Variants in KIF16B observed in about 807,000 individuals in gnomAD.
KIF16B encodes the protein kinesin-like protein KIF16B.
A neutral mutation model predicts 156.3 loss-of-function variants in KIF16B; 98 were observed. That is an observed-to-expected ratio of 0.63 (90% CI 0.53 to 0.74). The LOEUF (loss-of-function observed/expected upper bound fraction) is 0.74. Ranked by LOEUF, KIF16B falls within the 30% of genes least tolerant of loss-of-function variation. The pLI is 0.00. For missense variants in KIF16B, 1,421 were observed against 1,606.5 expected (o/e 0.88, Z 1.97); for synonymous variants, 564 against 583.7 (o/e 0.97, Z 0.49).
At chr20:16,404,144 C>T (rs1019009851) in intron 17 of KIF16B, among the ~76,000 whole-genome samples, 4 of 152,066 alleles carry the variant, frequency 2.6e-5, no homozygotes, top group African/African-American at 9.7e-5. Context: ...ACTTGTTCAG[C>T]CATTTGATTT....
intron 12 of KIF16B, among the ~76,000 whole-genome samples, chr20:16,477,143 T>C (rs984776138): frequency 5.3e-5 from 8 of 150,776 alleles, no homozygotes; most frequent in African/African-American, 1.2e-4. Context: ...TAAAAAATTC[T>C]GAGACCAAGT....
At chr20:16,397,278 A>C (rs1316153072) in intron 17 of KIF16B, among the ~76,000 whole-genome samples, 1 of 152,216 alleles carries the variant, frequency 6.6e-6, no homozygotes, top group Non-Finnish European at 1.5e-5. Context: ...CTAACTCCCA[A>C]AGGAAGTCAC....
chr20:16,352,267 C>T (rs575177241), intron 23 of KIF16B, among the ~76,000 whole-genome samples: 29 of 152,304 alleles, frequency 1.9e-4, no homozygotes, highest in African/African-American at 6.3e-4. Flanking sequence ...ATATAAATTA[C>T]GCCTCAACAG....
chr20:16,487,324 T>C (rs1349212073), intron 12 of KIF16B, among the ~76,000 whole-genome samples: 4 of 152,064 alleles, frequency 2.6e-5, no homozygotes, highest in Non-Finnish European at 5.9e-5. Flanking sequence ...GCTTTGTCTG[T>C]AGGTTTTCCA....
intron 12 of KIF16B, among the ~76,000 whole-genome samples, chr20:16,477,535 G>GT (rs764828144): frequency 9.2e-5 from 14 of 152,134 alleles, no homozygotes; most frequent in Non-Finnish European, 1.5e-4. Flanking sequence ...AAACCAGCAA[G>GT]TATCATCTAA....
chr20:16,535,156 T>C lies in KIF16B; in HGVS notation c.48-6716A>G, dbSNP rs542266246. 1.2e-4 allele frequency among the ~76,000 whole-genome samples: 18 copies of C among 152,326 alleles called. No homozygotes were observed. The East Asian group carries it at 2.5e-3, about 21-fold the overall frequency. On this transcript the variant is annotated intron_variant, in intron 1 of 25. Transcript: ENST00000354981. ...TGAGATGTCTTTCCACCTGTTTGTG[T>C]CCTCCTCAATTTCTTTCATCAGTAT...
At chr20:16,374,890 T>C (rs1399471599) in intron 19 of KIF16B, among the ~76,000 whole-genome samples, 1 of 152,158 alleles carries the variant, frequency 6.6e-6, no homozygotes, top group Non-Finnish European at 1.5e-5. Flanking sequence ...CCAGTGGGAA[T>C]GTTGTCATTT....
chr20:16,302,878 G>A (rs1053629079), intron 25 of KIF16B, among the ~76,000 whole-genome samples: 1 of 152,138 alleles, frequency 6.6e-6, no homozygotes, highest in African/African-American at 2.4e-5. Flanking sequence ...CTACAATCAT[G>A]TATCAATTCC....
chr20:16,461,572 A>T (rs548855200), intron 12 of KIF16B, among the ~76,000 whole-genome samples: 4 of 152,174 alleles, frequency 2.6e-5, no homozygotes, highest in Non-Finnish European at 4.4e-5. Context: ...AACACAAACA[A>T]CTCAAGACCA....
chr20:16,462,916 G>A lies in KIF16B; in HGVS notation c.1302+31375C>T, dbSNP rs537896505. On this transcript the variant is annotated intron_variant, in intron 12 of 25. Transcript: ENST00000354981. ...AACCACATGTTCAGTAAAGGAACAA[G>A]CAACATGGTGCTGGCCAGGCAGAGA... is the stretch of plus-strand genomic sequence containing the variant. Among the ~76,000 whole-genome samples, 16 of 152,312 alleles carry A rather than the reference G, an allele frequency of 1.1e-4. 1 individual carries two copies. Among genetic ancestry groups the A allele is most frequent in the African/African-American group, 2.9e-4 (12 of 41,584 alleles).
At position 16,505,727 on chromosome 20, in the gene KIF16B, A is replaced by T. The variant is rs1229279181; in HGVS notation, c.995T>A (p.Ile332Asn). Residue 332 changes from isoleucine (I) to asparagine (N), a missense_variant, in exon 9 of 26, where the codon ATT (isoleucine) becomes AAT (asparagine). Physicochemically the swap from Ile to Asn is moderately radical, Grantham distance 149. Transcript: ENST00000354981. ...AAGTAACTTAAAACTCTTACTGGCA[A>T]TCATGATAGTTTTAGAGTTTCCTCC... The part of the protein sequence containing the change: ...SLGGNSKTIM[I>N]ATISPADVNY... The T allele has an allele frequency of 9.3e-6, 15 of 1,612,666 alleles. No homozygotes were observed. The highest frequency in any genetic ancestry group is 1.3e-5 in the African/African-American group (1 of 75,004).
At chr20:16,307,258 T>G (rs1289242273) in intron 25 of KIF16B, among the ~76,000 whole-genome samples, 1 of 152,186 alleles carries the variant, frequency 6.6e-6, no homozygotes, top group Non-Finnish European at 1.5e-5. Flanking sequence ...TTAAAATGAT[T>G]AGTAGAAATA....
intron 12 of KIF16B, among the ~76,000 whole-genome samples, chr20:16,466,245 C>CG (rs1490520051): frequency 3.9e-5 from 6 of 152,156 alleles, no homozygotes; most frequent in Middle Eastern, 3.2e-3. Context: ...TAGAAGTCAC[C>CG]ACTCCATCCT....
chr20:16,392,212 C>T (rs1359555726), intron 17 of KIF16B, among the ~76,000 whole-genome samples: 1 of 152,180 alleles, frequency 6.6e-6, no homozygotes, highest in Non-Finnish European at 1.5e-5. Context: ...ATTATTTAAT[C>T]ATTTCCTCAT....
chr20:16,352,439 A>G (rs2064355909), intron 23 of KIF16B, among the ~76,000 whole-genome samples: 2 of 152,198 alleles, frequency 1.3e-5, no homozygotes, highest in South Asian at 4.1e-4. Context: ...GAAAAACTCT[A>G]TTATTCTCAT....
intron 12 of KIF16B, among the ~76,000 whole-genome samples, chr20:16,480,133 G>A (rs1568584648): frequency 6.6e-6 from 1 of 152,118 alleles, no homozygotes; most frequent in Non-Finnish European, 1.5e-5. Context: ...ATAATATTCT[G>A]TATAGATGTA....
intron 25 of KIF16B, among the ~76,000 whole-genome samples, chr20:16,279,175 C>A (rs1264892320): frequency 5.3e-5 from 8 of 152,108 alleles, no homozygotes; most frequent in Non-Finnish European, 1.2e-4. Context: ...TTTCCCCTCT[C>A]TGGGAATTGG....
chr20:16,550,888 T>C (rs6044110), intron 1 of KIF16B, among the ~76,000 whole-genome samples: 85,264 of 151,764 alleles, frequency 0.56, 24,087 homozygotes, highest in African/African-American at 0.61. Flanking sequence ...AGAACGGGTG[T>C]TCTAAAACAT....
chr20:16,448,768 G>A (rs184859117), intron 12 of KIF16B, among the ~76,000 whole-genome samples: 44 of 152,072 alleles, frequency 2.9e-4, no homozygotes, highest in Admixed American at 2.7e-3. Context: ...AAAATAAAGG[G>A]AACAGCATAT....
Sources: gnomAD v4.1 joint callset for allele counts (sites outside exome capture counted in the v4.1 genomes callset) on GRCh38, gnomAD v4.1.1 for gene constraint, MANE v1.5 for transcripts, NCBI Gene and HGNC (gene_info 2026-07-23, HGNC 2026-07-21) for gene names.